Variants in NCKAP5 observed in about 807,000 individuals in gnomAD.
The protein encoded by NCKAP5 is nck-associated protein 5.
Under a neutral mutation model 167.0 loss-of-function variants are expected in NCKAP5, and 92 were observed. The ratio of observed to expected loss-of-function variants is 0.55; its 90% CI spans 0.47 to 0.66. NCKAP5 has a LOEUF of 0.66. NCKAP5 is among the 30% of genes least tolerant of loss of function. NCKAP5 has a pLI of 0.00. For missense variants in NCKAP5, 2,378 were observed against 2,315.0 expected, an observed-to-expected ratio of 1.03 and a Z score of -0.56; for synonymous variants, 891 against 877.4, an observed-to-expected ratio of 1.02 and a Z score of -0.27.
chr2:133,176,935 A>G (rs2084488127), intron 5 of NCKAP5, among the ~76,000 whole-genome samples: 1 of 152,106 alleles, frequency 6.6e-6, no homozygotes, highest in South Asian at 2.1e-4. Context: ...CATATAGGGA[A>G]TATTCTATAA....
At chr2:133,502,416 G>T (rs1219390513) in intron 3 of NCKAP5, among the ~76,000 whole-genome samples, 1 of 152,154 alleles carries the variant, frequency 6.6e-6, no homozygotes, top group Non-Finnish European at 1.5e-5. Context: ...CAGCCCTCTA[G>T]TGTGTGTGGT....
At chr2:133,630,786 C>G in the NCKAP5 span, among the ~76,000 whole-genome samples, 2 of 152,102 alleles carry the variant, frequency 1.3e-5, no homozygotes, top group African/African-American at 4.8e-5. Context: ...CCGGCCTTAG[C>G]AGAACCAGCA....
intron 18 of NCKAP5, among the ~76,000 whole-genome samples, chr2:132,726,909 C>T (rs995490814): frequency 6.6e-6 from 1 of 152,204 alleles, no homozygotes; most frequent in Non-Finnish European, 1.5e-5. Context: ...TTCTGGGTAA[C>T]GTGTGTCCAG....
chr2:132,970,710 G>T (rs1441900735), intron 7 of NCKAP5, among the ~76,000 whole-genome samples: 2 of 152,236 alleles, frequency 1.3e-5, no homozygotes, highest in Middle Eastern at 3.4e-3. Flanking sequence ...ATTCACCTTT[G>T]GCAGAGCACT....
chr2:133,498,881 C>T (rs1212383213), intron 3 of NCKAP5, among the ~76,000 whole-genome samples: 1 of 152,196 alleles, frequency 6.6e-6, no homozygotes, highest in Non-Finnish European at 1.5e-5. Flanking sequence ...AGCTTTAATA[C>T]TCATTATCTT....
At chr2:133,670,254 T>C in the NCKAP5 span, among the ~76,000 whole-genome samples, 1 of 152,202 alleles carries the variant, frequency 6.6e-6, no homozygotes, top group African/African-American at 2.4e-5. Flanking sequence ...TACAGTGTAG[T>C]GCAGGGCTTA....
At chr2:133,043,982 T>C (rs2079302410) in intron 6 of NCKAP5, among the ~76,000 whole-genome samples, 1 of 152,094 alleles carries the variant, frequency 6.6e-6, no homozygotes, top group African/African-American at 2.4e-5. Context: ...TTAAATCTCA[T>C]TAAGGATTCA....
chr2:132,838,893 T>C (rs1395375472), intron 11 of NCKAP5, among the ~76,000 whole-genome samples: 1 of 152,238 alleles, frequency 6.6e-6, no homozygotes, highest in Non-Finnish European at 1.5e-5. Context: ...ATTTCTCTCC[T>C]TGATTATTGC....
chr2:132,802,099 A>G (rs1338955312), intron 11 of NCKAP5, among the ~76,000 whole-genome samples: 1 of 152,204 alleles, frequency 6.6e-6, no homozygotes, highest in Non-Finnish European at 1.5e-5. Flanking sequence ...TAAAAGCCAA[A>G]TATCGGCACA....
intron 2 of NCKAP5, among the ~76,000 whole-genome samples, chr2:133,554,816 T>C (rs751494556): frequency 6.6e-6 from 1 of 152,082 alleles, no homozygotes; most frequent in Non-Finnish European, 1.5e-5. Context: ...TGTGAAGACA[T>C]ACCAGGAGTT....
At chr2:133,104,573 C>T (rs1192191595) in intron 6 of NCKAP5, among the ~76,000 whole-genome samples, 1 of 152,208 alleles carries the variant, frequency 6.6e-6, no homozygotes, top group Non-Finnish European at 1.5e-5. Flanking sequence ...ATTTATATCT[C>T]ATGTTTTCTT....
chr2:132,991,917 G>C (rs139091956), intron 7 of NCKAP5, among the ~76,000 whole-genome samples: 1 of 152,150 alleles, frequency 6.6e-6, no homozygotes, highest in Non-Finnish European at 1.5e-5. Flanking sequence ...CTATTTTGCC[G>C]CTATTAGCCT....
intron 10 of NCKAP5, among the ~76,000 whole-genome samples, chr2:132,863,435 T>TA (rs1690092881): frequency 7.4e-6 from 1 of 134,302 alleles, no homozygotes; most frequent in Non-Finnish European, 1.5e-5. Flanking sequence ...CTTGAAAGAG[T>TA]TCTTCAGATG....
chr2:133,326,138 C>T (rs1017260056), intron 3 of NCKAP5, among the ~76,000 whole-genome samples: 2 of 152,150 alleles, frequency 1.3e-5, no homozygotes, highest in Non-Finnish European at 2.9e-5. Flanking sequence ...AGAGGAACAG[C>T]AACCCCTTAG....
chr2:132,680,105 G>A (rs1173074995), intron 19 of NCKAP5, among the ~76,000 whole-genome samples: 1 of 152,102 alleles, frequency 6.6e-6, no homozygotes, highest in Non-Finnish European at 1.5e-5. Flanking sequence ...CAAGAGTTGT[G>A]ATATTAACCC....
At chr2:133,594,265 C>T in the NCKAP5 span, among the ~76,000 whole-genome samples, 1 of 152,154 alleles carries the variant, frequency 6.6e-6, no homozygotes, top group Non-Finnish European at 1.5e-5. Context: ...CTCTCGACTT[C>T]GTTGGCTGGG....
In NCKAP5 at chr2:132,728,876, G is replaced by C. The variant is rs1462822455; in HGVS notation, c.5520C>G (p.Asp1840Glu). The change falls in exon 18 of 20, where the codon GAC (aspartate) becomes GAG (glutamate). Residue 1840 changes from aspartate to glutamate, a missense_variant. Asp to Glu is a conservative substitution (Grantham distance 45). Coordinates refer to ENST00000409261, the MANE Select transcript of NCKAP5 (RefSeq NM_207363.3). ...QTCSSFGYAE[D>E]PMASQPLPDW... is the part of the protein sequence containing the mutation. ...CTGGAAGCGGCTGGCTTGCCATTGG[G>C]TCTTCAGCATATCCGAATGATGAGC... 1 of 1,613,930 alleles carries C rather than the reference G, an allele frequency of 6.2e-7. No homozygotes were observed. Among genetic ancestry groups the C allele is most frequent in the South Asian group, 1.1e-5 (1 of 91,080 alleles).
intron 8 of NCKAP5, chr2:132,926,259 G>A: frequency 7.6e-6 from 2 of 262,564 alleles, no homozygotes; most frequent in East Asian, 1.0e-4. Flanking sequence ...TCCATTGTGT[G>A]TATATACCAC....
intron 19 of NCKAP5, among the ~76,000 whole-genome samples, chr2:132,676,283 C>CTTTTT (rs61213029): frequency 3.1e-4 from 19 of 61,138 alleles, no homozygotes; most frequent in African/African-American, 1.2e-3. Flanking sequence ...TTGTTTTATC[C>CTTTTT]TTTTTTTTTT....
Sources: gnomAD v4.1 joint callset for allele counts (sites outside exome capture counted in the v4.1 genomes callset) on GRCh38, gnomAD v4.1.1 for gene constraint, MANE v1.5 for transcripts, NCBI Gene and HGNC (gene_info 2026-07-23, HGNC 2026-07-21) for gene names.